The following TBXAS1 variants were observed in gnomAD, a reference collection of about 807,000 sequenced individuals.
TBXAS1 encodes the protein thromboxane A synthase 1.
Under a neutral mutation model 60.7 loss-of-function variants are expected in TBXAS1, and 48 were observed. The ratio of observed to expected loss-of-function variants is 0.79; its 90% CI spans 0.63 to 1.01. TBXAS1 has a LOEUF of 1.01. Among genes scored for constraint, TBXAS1 ranks in the 50% least tolerant of loss-of-function variants. The probability of loss-of-function intolerance (pLI) is 0.00; values close to 1 mark genes in which losing one functional copy is unlikely to be tolerated. For missense variants in TBXAS1, 685 were observed against 686.3 expected, an observed-to-expected ratio of 1.00 and a Z score of 0.02; for synonymous variants, 287 against 269.7, an observed-to-expected ratio of 1.06 and a Z score of -0.63.
At chr7:139,788,451 G>C (rs1797270477) in intron 4 of TBXAS1, among the ~76,000 whole-genome samples, 1 of 152,194 alleles carries the variant, frequency 6.6e-6, no homozygotes, top group South Asian at 2.1e-4. Flanking sequence ...GTCTAGAACA[G>C]TGCCTTGTAC....
At chr7:139,917,543 G>T (rs1205682996) in intron 4 of TBXAS1, among the ~76,000 whole-genome samples, 2 of 152,140 alleles carry the variant, frequency 1.3e-5, no homozygotes, top group Non-Finnish European at 2.9e-5. Context: ...GTCTGGACAT[G>T]GCTAAGTCCT....
intron 4 of TBXAS1, among the ~76,000 whole-genome samples, chr7:139,792,507 C>T (rs1224714570): frequency 2.6e-5 from 4 of 152,186 alleles, no homozygotes; most frequent in Non-Finnish European, 5.9e-5. Flanking sequence ...GAACTTCACC[C>T]AGCATCTAGA....
chr7:139,998,725 G>A (rs719467), intron 9 of TBXAS1, among the ~76,000 whole-genome samples: 4,000 of 152,354 alleles, frequency 0.026, 177 homozygotes, highest in African/African-American at 0.088. Context: ...CAGCAGGTCA[G>A]CACTGTCAGT....
At chr7:139,992,636 C>T (rs919721803) in intron 9 of TBXAS1, among the ~76,000 whole-genome samples, 10 of 152,246 alleles carry the variant, frequency 6.6e-5, no homozygotes, top group African/African-American at 2.4e-4. Flanking sequence ...CCCAGCTCTC[C>T]CACCATCTGC....
At chr7:139,798,660 G>T (rs1272035920) in intron 4 of TBXAS1, among the ~76,000 whole-genome samples, 2 of 152,184 alleles carry the variant, frequency 1.3e-5, no homozygotes, top group Non-Finnish European at 2.9e-5. Context: ...TTCAGATAAA[G>T]TTGTCTCATA....
chr7:139,890,258 C>G (rs887310026), intron 3 of TBXAS1, among the ~76,000 whole-genome samples: 2 of 140,084 alleles, frequency 1.4e-5, no homozygotes, highest in African/African-American at 5.5e-5. Flanking sequence ...TTTTGTCGCC[C>G]AGGCTGGAGT....
chr7:139,786,860 C>T (rs1797217391), intron 3 of TBXAS1, among the ~76,000 whole-genome samples: 1 of 152,206 alleles, frequency 6.6e-6, no homozygotes, highest in Non-Finnish European at 1.5e-5. Context: ...TTTCCTTTCC[C>T]TCTTTTCAGC....
intron 9 of TBXAS1, among the ~76,000 whole-genome samples, chr7:139,987,892 G>T (rs1453434964): frequency 6.6e-6 from 1 of 152,200 alleles, no homozygotes; most frequent in Admixed American, 6.5e-5. Flanking sequence ...CCAGGCCCTA[G>T]GGGGCAGTAG....
chr7:139,807,755 C>G (rs763855963), intron 4 of TBXAS1, among the ~76,000 whole-genome samples: 1 of 152,050 alleles, frequency 6.6e-6, no homozygotes, highest in Middle Eastern at 3.2e-3. Context: ...TGGCCTCAAG[C>G]GATCCTCGTG....
At chr7:139,924,964 G>C (rs1392680555) in intron 4 of TBXAS1, among the ~76,000 whole-genome samples, 1 of 152,118 alleles carries the variant, frequency 6.6e-6, no homozygotes, top group Non-Finnish European at 1.5e-5. Context: ...TGAGTTCACT[G>C]TAGATGTATA....
rs974321841 is a variant in TBXAS1, at chr7:139,965,155, T to C, written c.1134+2922T>C. Among the ~76,000 whole-genome samples the C allele has an allele frequency of 5.3e-5, 8 of 151,320 alleles. No homozygotes were observed. The East Asian group carries it at 5.8e-4, about 11-fold the overall frequency. On this transcript the variant is annotated intron_variant, in intron 9 of 12. Transcript: ENST00000448866. ...ATCACTTGAAGCAGGGAGGCGGAGG[T>C]TGCAGTGAGCAAAGATTGTGCCATT...
intron 4 of TBXAS1, among the ~76,000 whole-genome samples, chr7:139,932,088 AC>A (rs1350145922): frequency 2.0e-5 from 3 of 150,008 alleles, no homozygotes; most frequent in Non-Finnish European, 4.4e-5. Context: ...AATGGAGTGA[AC>A]CCAGGAGGCG....
intron 5 of TBXAS1, among the ~76,000 whole-genome samples, chr7:139,951,950 A>AAAAGAAAGAAAGAAAGAAAGAAAGAAAG (rs776126423): frequency 7.1e-5 from 3 of 42,008 alleles, no homozygotes; most frequent in African/African-American, 1.8e-4. Context: ...GGAAAGAAAG[A>AAAAGAAAGAAAGAAAGAAAGAAAGAAAG]AAAGAAAGAA....
At chr7:139,898,405 G>A (rs1018323899) in intron 3 of TBXAS1, among the ~76,000 whole-genome samples, 2 of 134,748 alleles carry the variant, frequency 1.5e-5, no homozygotes, top group Admixed American at 7.5e-5. Flanking sequence ...GTTTCCCAAC[G>A]TGCATGGCTT....
chr7:139,935,629 A>C (rs568002978), intron 4 of TBXAS1, among the ~76,000 whole-genome samples: 1 of 151,926 alleles, frequency 6.6e-6, no homozygotes, highest in Admixed American at 6.5e-5. Context: ...AATAGAACAC[A>C]GAAACATTAT....
chr7:139,933,488 T>C (rs2117175155), intron 4 of TBXAS1, among the ~76,000 whole-genome samples: 1 of 152,246 alleles, frequency 6.6e-6, no homozygotes, highest in Admixed American at 6.5e-5. Context: ...CCTAAACAAA[T>C]GGATTATGTT....
intron 4 of TBXAS1, among the ~76,000 whole-genome samples, chr7:139,800,808 T>G (rs1419404107): frequency 6.6e-6 from 1 of 152,254 alleles, no homozygotes; most frequent in Non-Finnish European, 1.5e-5. Flanking sequence ...TCCTCTGGAA[T>G]CCTGACCTAA....
At position 139,957,741 on chromosome 7, in the gene TBXAS1, C is replaced by T. The variant is rs140774405; in HGVS notation, c.796C>T (p.Arg266Trp). ...NKLIRNVIAL[R>W]DQQAAEERRR... ...ACTCATTAGGAATGTGATTGCCTTG[C>T]GGGACCAGCAAGCTGCCGAAGAGGT... Residue 266 changes from arginine (R) to tryptophan (W), a missense_variant, in exon 8 of 13, where the codon CGG (arginine) becomes TGG (tryptophan). By Grantham distance (101) the Arg-to-Trp change is moderately radical (BLOSUM62 -3). Coordinates refer to ENST00000448866, the MANE Select transcript of TBXAS1 (RefSeq NM_001061.7). 214 of 1,614,020 alleles carry T rather than the reference C, an allele frequency of 1.3e-4. No homozygotes were observed. The highest frequency in any genetic ancestry group is 1.7e-4 in the Non-Finnish European group (196 of 1,180,010).
intron 4 of TBXAS1, among the ~76,000 whole-genome samples, chr7:139,796,930 G>A (rs903804692): frequency 2.6e-5 from 4 of 152,120 alleles, no homozygotes; most frequent in African/African-American, 7.2e-5. Flanking sequence ...AATTGTATCC[G>A]TCATTGTTAA....
Sources: gnomAD v4.1 joint callset for allele counts (sites outside exome capture counted in the v4.1 genomes callset) on GRCh38, gnomAD v4.1.1 for gene constraint, MANE v1.5 for transcripts, NCBI Gene and HGNC (gene_info 2026-07-23, HGNC 2026-07-21) for gene names.